PRKCB: variants seen among roughly 807,000 people sequenced by gnomAD.
The protein encoded by PRKCB is protein kinase C beta type.
PRKCB carries 13 observed loss-of-function variants against 81.5 expected under a neutral mutation model. The observed-to-expected ratio is 0.16, with a 90% confidence interval of 0.10 to 0.25. The LOEUF (loss-of-function observed/expected upper bound fraction) is 0.25. Among genes scored for constraint, PRKCB ranks in the 10% least tolerant of loss-of-function variants. The pLI is 1.00. For synonymous variants in PRKCB, 335 were observed against 321.4 expected (o/e 1.04, Z -0.45); for missense variants, 509 against 875.7 (o/e 0.58, Z 5.29).
rs554760354 is a variant in PRKCB, at chr16:23,903,350, G to A, written c.205+65944G>A. On this transcript the variant is annotated intron_variant, in intron 2 of 16. Coordinates refer to ENST00000643927, the MANE Select transcript of PRKCB (RefSeq NM_002738.7). ...GTTTCTGTCCTAGTTTTTTCTAAGC[G>A]TATGGAGACAGGTCTGCTCCGTACA... Among the ~76,000 whole-genome samples the A allele has an allele frequency of 5.9e-5, 9 of 151,996 alleles. No individual in the cohort carries two copies. The East Asian group carries it at 1.4e-3, about 23-fold the overall frequency.
chr16:23,894,355 C>T (rs7200610), intron 2 of PRKCB, among the ~76,000 whole-genome samples: 146,654 of 152,290 alleles, frequency 0.96, 70,658 homozygotes, highest in East Asian at 1. Context: ...TCACAGTCCC[C>T]AAAATGGGAG....
At chr16:24,204,107 T>A (rs1968006902) in intron 16 of PRKCB, among the ~76,000 whole-genome samples, 1 of 152,076 alleles carries the variant, frequency 6.6e-6, no homozygotes, top group African/African-American at 2.4e-5. Flanking sequence ...TGGACATGAA[T>A]GGGTCAGTCA....
At chr16:23,881,677 G>A (rs986633826) in intron 2 of PRKCB, among the ~76,000 whole-genome samples, 5 of 152,034 alleles carry the variant, frequency 3.3e-5, no homozygotes, top group African/African-American at 1.2e-4. Flanking sequence ...TTAAAATCAT[G>A]GTAAAAAACA....
chr16:24,039,782 G>A (rs192386281), intron 5 of PRKCB, among the ~76,000 whole-genome samples: 5 of 152,282 alleles, frequency 3.3e-5, no homozygotes, highest in Admixed American at 3.3e-4. Context: ...AGCTGGGCAG[G>A]GTCCAACAGC....
At chr16:24,140,873 G>C (rs1385542931) in intron 9 of PRKCB, among the ~76,000 whole-genome samples, 1 of 152,134 alleles carries the variant, frequency 6.6e-6, no homozygotes, top group Non-Finnish European at 1.5e-5. Flanking sequence ...AGGCAGTTTA[G>C]TTTGGGGGAA....
Position 24,220,008 on chromosome 16 carries a change from G to A in PRKCB, c.*5192G>A. The A allele has an allele frequency of 1.2e-6, 2 of 1,614,164 alleles. No individual in the cohort carries two copies. The highest frequency in any genetic ancestry group is 1.7e-6 in the Non-Finnish European group (2 of 1,180,024). On this transcript the variant is annotated 3_prime_UTR_variant, in exon 17 of 17. Coordinates refer to ENST00000643927, the MANE Select transcript of PRKCB (RefSeq NM_002738.7). ...ACTTCGACAAAGAGTTCACCAGACA[G>A]CCTGTGGAACTGACCCCCACTGATA...
At chr16:24,019,658 G>C (rs896416250) in intron 3 of PRKCB, among the ~76,000 whole-genome samples, 9 of 152,002 alleles carry the variant, frequency 5.9e-5, no homozygotes, top group African/African-American at 2.2e-4. Context: ...CAGACACTTC[G>C]GGGGCTGAGG....
intron 2 of PRKCB, among the ~76,000 whole-genome samples, chr16:23,959,356 T>A (rs1873423): frequency 6.6e-6 from 1 of 152,154 alleles, no homozygotes; most frequent in Non-Finnish European, 1.5e-5. Context: ...AAACTGACAC[T>A]GTGGAAGGGG....
chr16:24,116,183 G>A lies in PRKCB; in HGVS notation c.918+3114G>A, dbSNP rs565644825. 1.1e-4 allele frequency among the ~76,000 whole-genome samples: 17 copies of A among 152,160 alleles called. No homozygotes were observed. In the South Asian group the frequency reaches 3.1e-3, roughly 28 times the overall value. ...GTATTCCTGTTTCTGAGGGCACATC[G>A]TACACAGCAAGATAAAGGACAAGTT... is the stretch of plus-strand genomic sequence containing the variant. On this transcript the variant is annotated intron_variant, in intron 8 of 16. Transcript: ENST00000643927.
chr16:24,139,351 C>A (rs372980629), intron 9 of PRKCB, among the ~76,000 whole-genome samples: 1 of 152,156 alleles, frequency 6.6e-6, no homozygotes, highest in Admixed American at 6.5e-5. Context: ...GTAGTTCTCT[C>A]GCATTTCTTG....
intron 5 of PRKCB, among the ~76,000 whole-genome samples, chr16:24,064,769 T>C (rs963931185): frequency 1.3e-5 from 2 of 152,000 alleles, no homozygotes; most frequent in African/African-American, 4.8e-5. Flanking sequence ...TAAAATATAA[T>C]TGATATCTCC....
At chr16:24,063,649 T>G (rs549596470) in intron 5 of PRKCB, among the ~76,000 whole-genome samples, 1 of 152,116 alleles carries the variant, frequency 6.6e-6, no homozygotes, top group African/African-American at 2.4e-5. Context: ...AAGAATGGAG[T>G]TTGCAGCATG....
At chr16:23,952,606 C>A (rs1276523359) in intron 2 of PRKCB, among the ~76,000 whole-genome samples, 4 of 152,156 alleles carry the variant, frequency 2.6e-5, no homozygotes, top group Non-Finnish European at 5.9e-5. Flanking sequence ...ATCTCTTTAT[C>A]TGTGGCCACA....
intron 2 of PRKCB, among the ~76,000 whole-genome samples, chr16:23,983,477 A>G (rs1050313224): frequency 2.0e-5 from 3 of 152,212 alleles, no homozygotes; most frequent in African/African-American, 7.2e-5. Flanking sequence ...TGGATTGACA[A>G]ATATCCAGGC....
chr16:23,879,686 G>T (rs1475447014), intron 2 of PRKCB, among the ~76,000 whole-genome samples: 6 of 151,910 alleles, frequency 3.9e-5, no homozygotes, highest in Non-Finnish European at 7.4e-5. Context: ...TAGAGACGGG[G>T]TTTCACCATG....
chr16:24,217,426 A>T lies in PRKCB; in HGVS notation c.*2610A>T. ...CAACAAGGACCTTCTTGGGGGATTA[A>T]TGGGAGGTCAGTAGAATTAATAACC... On this transcript the variant is annotated 3_prime_UTR_variant, in exon 17 of 17. Coordinates refer to ENST00000643927, the MANE Select transcript of PRKCB (RefSeq NM_002738.7). The T allele has an allele frequency of 1.0e-6, 1 of 985,448 alleles. No homozygotes were observed. The highest frequency in any genetic ancestry group is 1.2e-6 in the Non-Finnish European group (1 of 829,930). The allele number at this position is 985,448 out of a possible 1,614,324, so 61.0% of individuals were successfully genotyped here.
rs138855260 is a variant in PRKCB at position 24,216,651 on chromosome 16, TC to T, written c.*1837del. On this transcript the variant is annotated 3_prime_UTR_variant, in exon 17 of 17. Transcript: ENST00000643927. ...GTCTCCTGCAGTTCATCCTTCTCTGTCCTCTTCTTGCTTCAGGCTTGGGGAC... is the reference window on the plus strand; with the variant it reads ...GTCTCCTGCAGTTCATCCTTCTCTGTCTCTTCTTGCTTCAGGCTTGGGGAC... 40,621 of 985,458 alleles carry T rather than the reference TC, an allele frequency of 0.041. 984 individuals carry two copies. Among genetic ancestry groups the T allele is most frequent in the East Asian group, 0.15 (1,283 of 8,798 alleles). The allele number at this position is 985,458 out of a possible 1,614,324, so 61.0% of individuals were successfully genotyped here.
At chr16:24,174,640 C>A in intron 12 of PRKCB, 60 bp downstream of exon 12, 13 of 1,414,306 alleles carry the variant, frequency 9.2e-6, no homozygotes, top group Non-Finnish European at 1.3e-5. Context: ...CCCTGCCCTG[C>A]CTCTTTCTTC....
chr16:23,912,840 T>TTTATTTA (rs59682849), intron 2 of PRKCB, among the ~76,000 whole-genome samples: 18,282 of 147,988 alleles, frequency 0.12, 1,368 homozygotes, highest in East Asian at 0.3. Flanking sequence ...TTATTTATTT[T>TTTATTTA]TTGATATGGA....
Sources: gnomAD v4.1 joint callset for allele counts (sites outside exome capture counted in the v4.1 genomes callset) on GRCh38, gnomAD v4.1.1 for gene constraint, MANE v1.5 for transcripts, NCBI Gene and HGNC (gene_info 2026-07-23, HGNC 2026-07-21) for gene names.